The following CNTN4 variants were observed in gnomAD, a reference collection of about 807,000 sequenced individuals.
The protein encoded by CNTN4 is contactin-4.
In CNTN4, 77 loss-of-function variants were observed where a neutral mutation model predicts 122.5. That is an observed-to-expected ratio of 0.63 (90% confidence interval 0.52 to 0.76). CNTN4 has a LOEUF of 0.76. Among genes scored for constraint, CNTN4 ranks in the 30% least tolerant of loss-of-function variants. The pLI is 0.00. For synonymous variants in CNTN4, 512 were observed against 447.0 expected (o/e 1.15, Z -1.83); for missense variants, 1,256 against 1,259.1 (o/e 1.00, Z 0.04).
intron 4 of CNTN4, among the ~76,000 whole-genome samples, chr3:2,636,016 C>A (rs2127345): frequency 1.3e-5 from 2 of 151,850 alleles, no homozygotes; most frequent in Non-Finnish European, 2.9e-5. Flanking sequence ...CATTTCTTCC[C>A]TGCTATATAA....
chr3:2,491,418 A>T (rs1303858282), intron 3 of CNTN4, among the ~76,000 whole-genome samples: 1 of 152,188 alleles, frequency 6.6e-6, no homozygotes, highest in Non-Finnish European at 1.5e-5. Context: ...AGATAGATAT[A>T]TGTGTATGAT....
chr3:2,497,047 A>G (rs1211498634), intron 3 of CNTN4, among the ~76,000 whole-genome samples: 2 of 152,160 alleles, frequency 1.3e-5, no homozygotes, highest in African/African-American at 2.4e-5. Context: ...ATGCCTGCCC[A>G]CATTGATGAG....
At position 2,335,453 on chromosome 3, in the gene CNTN4, G is replaced by A. The variant is rs200404768; in HGVS notation, c.-144-3725G>A. ...TCGAAAGGAAGCTGAGCTTAAAGAA[G>A]GTGGGTAAAATGAAAGGTCTTGCCT... On this transcript the variant is annotated intron_variant, in intron 2 of 24. Transcript: ENST00000418658. Among the ~76,000 whole-genome samples, 10 of 152,158 alleles carry A rather than the reference G, an allele frequency of 6.6e-5. No individual in the cohort carries two copies. In the East Asian group the frequency reaches 1.9e-3, roughly 29 times the overall value.
At chr3:2,498,365 C>G (rs567606552) in intron 3 of CNTN4, among the ~76,000 whole-genome samples, 15 of 152,294 alleles carry the variant, frequency 9.8e-5, no homozygotes, top group African/African-American at 3.6e-4. Context: ...GTGTCTCTAT[C>G]ATTTTACATT....
intron 2 of CNTN4, among the ~76,000 whole-genome samples, chr3:2,266,438 G>A (rs1012103140): frequency 6.6e-6 from 1 of 151,918 alleles, no homozygotes; most frequent in African/African-American, 2.4e-5. Flanking sequence ...TTCTCTTTAA[G>A]CCTACTTTTC....
chr3:2,947,279 G>A (rs1056557125), intron 13 of CNTN4, among the ~76,000 whole-genome samples: 1 of 152,158 alleles, frequency 6.6e-6, no homozygotes, highest in Non-Finnish European at 1.5e-5. Context: ...AAAAGAATAT[G>A]TTCTCTTATG....
At chr3:2,757,532 G>A (rs1404261106) in intron 6 of CNTN4, among the ~76,000 whole-genome samples, 1 of 152,146 alleles carries the variant, frequency 6.6e-6, no homozygotes, top group Non-Finnish European at 1.5e-5. Flanking sequence ...CTCAAGCGAT[G>A]TTATCGTTGA....
chr3:2,170,052 T>A (rs1434119662), intron 2 of CNTN4, among the ~76,000 whole-genome samples: 3 of 152,118 alleles, frequency 2.0e-5, no homozygotes, highest in East Asian at 3.9e-4. Flanking sequence ...CCGGGCGCGG[T>A]GGCTCACGCC....
intron 7 of CNTN4, among the ~76,000 whole-genome samples, chr3:2,847,450 G>T (rs951849263): frequency 2.0e-5 from 3 of 152,248 alleles, no homozygotes; most frequent in Non-Finnish European, 4.4e-5. Context: ...GATCTGAAGT[G>T]TTGCAAGAAT....
intron 4 of CNTN4, among the ~76,000 whole-genome samples, chr3:2,642,449 G>A (rs2082938237): frequency 6.6e-6 from 1 of 152,106 alleles, no homozygotes; most frequent in Admixed American, 6.6e-5. Flanking sequence ...ATTCAGTCCA[G>A]TCAAGTTGAC....
At chr3:2,392,234 G>T (rs963693589) in intron 3 of CNTN4, among the ~76,000 whole-genome samples, 2 of 152,176 alleles carry the variant, frequency 1.3e-5, no homozygotes, top group African/African-American at 2.4e-5. Context: ...CCCCTGTGAG[G>T]CTGTCTCTTC....
At position 2,652,725 on chromosome 3, in the gene CNTN4, G is replaced by T. The variant is rs150002901; in HGVS notation, c.55+81167G>T. Among the ~76,000 whole-genome samples, 17 of 152,164 alleles carry T rather than the reference G, an allele frequency of 1.1e-4. No individual in the cohort carries two copies. The East Asian group carries it at 3.3e-3, about 29-fold the overall frequency. On this transcript the variant is annotated intron_variant, in intron 4 of 24. Transcript: ENST00000418658. Reference sequence around the variant, plus strand: ...CTCAGTGGAATCCTTGCCTTAGTATGGTATGTGATTTTTTATAGTGCAGAG... The same window carrying T: ...CTCAGTGGAATCCTTGCCTTAGTATTGTATGTGATTTTTTATAGTGCAGAG...
At chr3:2,493,273 A>T (rs2076366743) in intron 3 of CNTN4, among the ~76,000 whole-genome samples, 1 of 151,974 alleles carries the variant, frequency 6.6e-6, no homozygotes, top group Non-Finnish European at 1.5e-5. Flanking sequence ...CAATGGGACT[A>T]CCCTAATACT....
chr3:3,047,471 A>T (rs367978857), intron 23 of CNTN4, among the ~76,000 whole-genome samples: 3 of 151,698 alleles, frequency 2.0e-5, no homozygotes, highest in African/African-American at 4.9e-5. Context: ...GGATTAAGAA[A>T]CTCACTCAAA....
intron 4 of CNTN4, among the ~76,000 whole-genome samples, chr3:2,686,729 C>A (rs1481910474): frequency 1.3e-5 from 2 of 152,124 alleles, no homozygotes; most frequent in African/African-American, 4.8e-5. Flanking sequence ...CTGTAGTACC[C>A]CAACTTCTAA....
intron 16 of CNTN4, among the ~76,000 whole-genome samples, chr3:3,034,361 G>T (rs142133761): frequency 6.6e-6 from 1 of 152,052 alleles, no homozygotes; most frequent in African/African-American, 2.4e-5. Flanking sequence ...TTAACATTAA[G>T]TATTCAGTTG....
At chr3:2,809,701 C>T (rs182334734) in intron 6 of CNTN4, among the ~76,000 whole-genome samples, 17 of 152,272 alleles carry the variant, frequency 1.1e-4, no homozygotes, top group Middle Eastern at 3.4e-3. Flanking sequence ...GTAATAATAG[C>T]TTGCATGTTA....
At chr3:2,500,215 A>G (rs1409954110) in intron 3 of CNTN4, among the ~76,000 whole-genome samples, 1 of 152,082 alleles carries the variant, frequency 6.6e-6, no homozygotes, top group Non-Finnish European at 1.5e-5. Context: ...CAGGAGTTTA[A>G]AATGCTAACT....
At chr3:2,459,122 G>A (rs955970240) in intron 3 of CNTN4, among the ~76,000 whole-genome samples, 1 of 152,130 alleles carries the variant, frequency 6.6e-6, no homozygotes, top group Non-Finnish European at 1.5e-5. Context: ...AAGGCAAGTG[G>A]CTTGCAGTCT....
Sources: allele counts gnomAD v4.1 joint callset (sites outside exome capture counted in the v4.1 genomes callset), GRCh38; gene constraint gnomAD v4.1.1; transcripts MANE v1.5; gene names NCBI Gene and HGNC (gene_info 2026-07-23, HGNC 2026-07-21).